The following MYH16 variants were observed in gnomAD, a reference collection of about 807,000 sequenced individuals.
MYH16 encodes the protein myosin heavy chain 16, also known as putative uncharacterized protein MYH16.
At chr7:99,292,394 G>A in exon 32 of MYH16, 1 of 457,340 alleles carries the variant, frequency 2.2e-6, no homozygotes, top group African/African-American at 2.0e-5. Context: ...GAGGAGCAGG[G>A]AGGCAAGTCA....
intron 33 of MYH16, among the ~76,000 whole-genome samples, 156 bp downstream of exon 14, chr7:99,294,306 C>T (rs540541557): frequency 9.2e-5 from 14 of 151,848 alleles, no homozygotes; most frequent in South Asian, 6.2e-4. Flanking sequence ...TGCTGGACAA[C>T]GGCTGCTGCT....
At chr7:99,295,240 G>C (rs548015373) in intron 33 of MYH16, among the ~76,000 whole-genome samples, 1 of 151,968 alleles carries the variant, frequency 6.6e-6, no homozygotes, top group African/African-American at 2.4e-5. Context: ...TTAGCCGGGC[G>C]TGGTGGCAGG....
At chr7:99,260,191 A>C in exon 12 of MYH16, 2 of 1,610,244 alleles carry the variant, frequency 1.2e-6, no homozygotes, top group Non-Finnish European at 1.7e-6. Context: ...GCTATGCATC[A>C]ACTTCACCAA....
At chr7:99,246,642 C>G (rs951670139) in intron 2 of MYH16, among the ~76,000 whole-genome samples, 1 of 152,224 alleles carries the variant, frequency 6.6e-6, no homozygotes, top group East Asian at 1.9e-4. Context: ...GCAGAGGTTG[C>G]AGTGAACCCA....
intron 11 of MYH16, among the ~76,000 whole-genome samples, chr7:99,259,536 G>A (rs1464498122): frequency 6.6e-6 from 1 of 151,810 alleles, no homozygotes; most frequent in Non-Finnish European, 1.5e-5. Flanking sequence ...TCAGCCCACT[G>A]CAACCTCCGC....
chr7:99,244,444 T>C (rs1212642931), intron 2 of MYH16, among the ~76,000 whole-genome samples: 2 of 152,142 alleles, frequency 1.3e-5, no homozygotes, highest in African/African-American at 4.8e-5. Flanking sequence ...TCTAAGGACG[T>C]GTTGGTGTTT....
At chr7:99,287,954 C>T (rs61745730) in exon 29 of MYH16, 107 of 456,598 alleles carry the variant, frequency 2.3e-4, no homozygotes, top group African/African-American at 1.0e-3. Context: ...TGGAAGAGGC[C>T]GCCCTGCAGA....
chr7:99,261,209 C>T (rs987234264), intron 12 of MYH16: 1 of 152,208 alleles, frequency 6.6e-6, no homozygotes, highest in African/African-American at 2.4e-5. Flanking sequence ...CTTCAGATCT[C>T]AGTCTTCCCT....
chr7:99,284,997 T>C (rs1792258624), intron 26 of MYH16, 62 bp downstream of exon 8: 1 of 452,960 alleles, frequency 2.2e-6, no homozygotes, highest in Non-Finnish European at 4.4e-6. Flanking sequence ...GAACGTTTTG[T>C]TCATGTCAGC....
chr7:99,292,198 TC>T (rs1458530863), intron 31 of MYH16, 113 bp from the exon 13 acceptor site: 1 of 353,390 alleles, frequency 2.8e-6, no homozygotes, highest in Non-Finnish European at 5.7e-6. Context: ...GGATCATGTT[TC>T]TTTTCCCCCT....
intron 27 of MYH16, among the ~76,000 whole-genome samples, chr7:99,285,725 C>A (rs1007904484): frequency 6.6e-6 from 1 of 152,174 alleles, no homozygotes; most frequent in African/African-American, 2.4e-5. Flanking sequence ...AGATAGAATT[C>A]AACAGGCAGA....
intron 21 of MYH16, among the ~76,000 whole-genome samples, chr7:99,279,165 T>TG (rs1421205424): frequency 6.6e-6 from 1 of 151,994 alleles, no homozygotes; most frequent in Non-Finnish European, 1.5e-5. Context: ...CACCCCAGCC[T>TG]GGGTGACAGA....
intron 22 of MYH16, among the ~76,000 whole-genome samples, chr7:99,280,066 T>A (rs1792181069): frequency 6.6e-6 from 1 of 152,100 alleles, no homozygotes; most frequent in Non-Finnish European, 1.5e-5. Flanking sequence ...AGAGATGGGG[T>A]TTCGCCATGT....
intron 33 of MYH16, among the ~76,000 whole-genome samples, 173 bp downstream of exon 14, chr7:99,294,323 C>G (rs192699461): frequency 6.6e-6 from 1 of 151,552 alleles, no homozygotes; most frequent in South Asian, 2.1e-4. Flanking sequence ...TGCTTGAGCA[C>G]GTGTTCATGA....
chr7:99,299,262 C>T (rs1035899541), intron 36 of MYH16, among the ~76,000 whole-genome samples: 1 of 151,996 alleles, frequency 6.6e-6, no homozygotes, highest in African/African-American at 2.4e-5. Context: ...CACAGAGTGA[C>T]TCTAAAACAA....
At chr7:99,259,021 G>A (rs1791906771) in intron 11 of MYH16, among the ~76,000 whole-genome samples, 1 of 152,118 alleles carries the variant, frequency 6.6e-6, no homozygotes, top group Non-Finnish European at 1.5e-5. Context: ...AGAGCAAGGG[G>A]GGAGGTGCCA....
In MYH16 at chr7:99,292,519, T is replaced by C. The variant is rs1335130470; in HGVS notation, n.4149+11T>C. The C allele has an allele frequency of 8.7e-6, 4 of 459,414 alleles. No individual in the cohort carries two copies. The highest frequency in any genetic ancestry group is 1.8e-5 in the Non-Finnish European group (4 of 228,142). 28.5% of individuals were successfully genotyped at this position (459,414 alleles called of 1,614,324 possible). ...GCTGGAGGAGACCAAGTGAGTGTGG[T>C]CTTCCTGTTGAGAGAGCCAGGTGGG... On this transcript the variant is annotated intron_variant and non_coding_transcript_variant, in intron 32 of 41. Coordinates refer to ENST00000439784, the Ensembl canonical transcript of MYH16.
At chr7:99,277,943 CA>C (rs1792141784) in intron 21 of MYH16, among the ~76,000 whole-genome samples, 1 of 129,628 alleles carries the variant, frequency 7.7e-6, no homozygotes, top group South Asian at 2.5e-4. Flanking sequence ...GAGAGACAGA[CA>C]GACAGACAGA....
chr7:99,302,317 T>A (rs374330887), intron 38 of MYH16, among the ~76,000 whole-genome samples: 12 of 95,544 alleles, frequency 1.3e-4, no homozygotes, highest in South Asian at 3.8e-4. Flanking sequence ...AAAAAATATA[T>A]ACACACACAC....
Sources: allele counts gnomAD v4.1 joint callset (sites outside exome capture counted in the v4.1 genomes callset), GRCh38; gene constraint gnomAD v4.1.1; transcripts MANE v1.5; gene names NCBI Gene and HGNC (gene_info 2026-07-23, HGNC 2026-07-21).